The following EDC3 variants were observed in gnomAD, a reference collection of about 807,000 sequenced individuals.
The protein encoded by EDC3 is enhancer of mRNA decapping 3.
A neutral mutation model predicts 41.8 loss-of-function variants in EDC3; 20 were observed. The ratio of observed to expected loss-of-function variants is 0.48; its 90% CI spans 0.34 to 0.70. The LOEUF is 0.70. Among genes scored for constraint, EDC3 ranks in the 30% least tolerant of loss-of-function variants. The pLI, the probability that EDC3 is intolerant of heterozygous loss-of-function variation, is 0.01. For missense variants in EDC3, 444 were observed against 636.8 expected (o/e 0.70, Z 3.26); for synonymous variants, 206 against 243.2 (o/e 0.85, Z 1.42).
In EDC3 at chr15:74,635,227, G is replaced by A. The variant is rs2062256999; in HGVS notation, c.1192+182C>T. On this transcript the variant is annotated intron_variant, in intron 6 of 6. Transcript: ENST00000315127. Reference sequence around the variant, plus strand: ...TCCCCAGCTCTTCATGTGAGTAGTTGGAGAGGGAGAAGCATAAGGGGATGG... The same window carrying A: ...TCCCCAGCTCTTCATGTGAGTAGTTAGAGAGGGAGAAGCATAAGGGGATGG... 5.6e-6 allele frequency: 4 copies of A among 710,022 alleles called. No individual in the cohort carries two copies. In the Admixed American group the frequency reaches 6.0e-5, roughly 11 times the overall value. The allele number at this position is 710,022 out of a possible 1,614,324, so 44.0% of individuals were successfully genotyped here. A position where few individuals can be genotyped will look rare whatever the true frequency, so the allele number is the denominator to read the frequency against.
chr15:74,665,410 A>G (rs2062666759), intron 3 of EDC3, among the ~76,000 whole-genome samples: 1 of 152,198 alleles, frequency 6.6e-6, no homozygotes, highest in Non-Finnish European at 1.5e-5. Context: ...TACAATGACT[A>G]TTCAAGCTCA....
chr15:74,632,739 A>C lies in EDC3; in HGVS notation c.1400T>G (p.Leu467Arg), dbSNP rs772417479. 4.2e-5 allele frequency: 67 copies of C among 1,614,098 alleles called. No individual in the cohort carries two copies. Among genetic ancestry groups the C allele is most frequent in the Non-Finnish European group, 5.5e-5 (65 of 1,180,046 alleles). The change falls in exon 7 of 7, where the codon CTG becomes CGG. Residue 467 changes from leucine (L) to arginine (R), a missense_variant. Leu to Arg is a moderately radical substitution (Grantham distance 102, BLOSUM62 -2). Transcript: ENST00000315127. This position sits in a 1 kb window ranked among gnomAD's most constrained non-coding sequence, Gnocchi z 4.0. ...ATAGATACGGCCTGCGTGCTCCCCC[A>C]GTGGCAGAGGCAGGCCCAGTGCCAG... Reference protein sequence around the residue: ...WSLALGLPLPLGEHAGRIYLC... With the variant: ...WSLALGLPLPRGEHAGRIYLC...
rs746963560 is a variant in EDC3, at chr15:74,632,583, C to T, written c.*29G>A. 4 of 1,601,930 alleles carry T rather than the reference C, an allele frequency of 2.5e-6. No individual in the cohort carries two copies. Among genetic ancestry groups the T allele is most frequent in the Non-Finnish European group, 3.4e-6 (4 of 1,171,824 alleles). On this transcript the variant is annotated 3_prime_UTR_variant, in exon 7 of 7. Transcript: ENST00000315127. This position sits in a 1 kb window ranked among gnomAD's most constrained non-coding sequence, Gnocchi z 4.0. ...GTTTGTTATCAGGAGCAGCAGGGGACAGCAGAGTCCTGCCTGCGCAGGAAC... is the reference window on the plus strand; with the variant it reads ...GTTTGTTATCAGGAGCAGCAGGGGATAGCAGAGTCCTGCCTGCGCAGGAAC...
At chr15:74,652,839 C>T (rs951364525) in intron 4 of EDC3, among the ~76,000 whole-genome samples, 4 of 151,916 alleles carry the variant, frequency 2.6e-5, no homozygotes, top group African/African-American at 7.2e-5. Context: ...CTTGGCCTCC[C>T]GAAGTGCTGG....
At chr15:74,658,171 T>C (rs913090614) in intron 3 of EDC3, among the ~76,000 whole-genome samples, 1 of 152,200 alleles carries the variant, frequency 6.6e-6, no homozygotes, top group Non-Finnish European at 1.5e-5. Context: ...TGAACCTCTA[T>C]CACAGTCTAA....
In EDC3 at chr15:74,688,633, T is replaced by C. The variant is rs1229820105; in HGVS notation, c.-19+7247A>G. On this transcript the variant is annotated intron_variant, in intron 1 of 6. Transcript: ENST00000315127. Reference sequence around the variant, plus strand: ...AAAAGTACATCTGTGAGGCCAGGCATGGTGGCTCATGCCTGTAATCCCAGC... The same window carrying C: ...AAAAGTACATCTGTGAGGCCAGGCACGGTGGCTCATGCCTGTAATCCCAGC... Among the ~76,000 whole-genome samples, 3 of 152,250 alleles carry C rather than the reference T, an allele frequency of 2.0e-5. No individual in the cohort carries two copies. The East Asian group carries it at 5.8e-4, about 29-fold the overall frequency.
intron 1 of EDC3, among the ~76,000 whole-genome samples, chr15:74,688,291 C>G (rs930724762): frequency 5.9e-5 from 9 of 152,204 alleles, no homozygotes; most frequent in African/African-American, 2.2e-4. Context: ...AAAAGAAGTA[C>G]AGGAGATACA....
rs567461612 is a variant in EDC3 at position 74,640,713 on chromosome 15, T to G, written c.821-94A>C. 6.0e-6 allele frequency: 9 copies of G among 1,502,302 alleles called. No homozygotes were observed. In the East Asian group the frequency reaches 6.8e-5, roughly 11 times the overall value. The allele number at this position is 1,502,302 out of a possible 1,614,324, so 93.1% of individuals were successfully genotyped here. A position where few individuals can be genotyped will look rare whatever the true frequency, so the allele number is the denominator to read the frequency against. On this transcript the variant is annotated intron_variant, in intron 4 of 6. Transcript: ENST00000315127. ...ATCCAAGATTCTGCAAATGCCAACATTTTACCATGGATCACCCCTGGCCCA... is the reference window on the plus strand; with the variant it reads ...ATCCAAGATTCTGCAAATGCCAACAGTTTACCATGGATCACCCCTGGCCCA...
At chr15:74,643,951 G>A (rs1179637603) in intron 4 of EDC3, 1 of 152,004 alleles carries the variant, frequency 6.6e-6, no homozygotes, top group African/African-American at 2.4e-5. Context: ...ACAAAACTGA[G>A]TGCTGATGTC....
intron 5 of EDC3, chr15:74,640,101 G>T: frequency 4.5e-6 from 1 of 222,580 alleles, no homozygotes; most frequent in South Asian, 7.1e-5. Context: ...GAAGCTCTCA[G>T]GTATGGAGAC....
intron 4 of EDC3, among the ~76,000 whole-genome samples, chr15:74,653,271 CCTAACA>C (rs2062503960): frequency 6.6e-6 from 1 of 151,824 alleles, no homozygotes; most frequent in Non-Finnish European, 1.5e-5. Flanking sequence ...GATCAACTAA[CCTAACA>C]CTAACATTTT....
intron 6 of EDC3, chr15:74,634,979 A>G: frequency 2.3e-6 from 1 of 431,316 alleles, no homozygotes; most frequent in Non-Finnish European, 4.7e-6. Context: ...TGAAATGTCC[A>G]AGTCTCCTAC....
At chr15:74,640,102 G>A (rs2062330058) in intron 5 of EDC3, 2 of 224,740 alleles carry the variant, frequency 8.9e-6, no homozygotes, top group South Asian at 1.4e-4. Flanking sequence ...AAGCTCTCAG[G>A]TATGGAGACT....
chr15:74,640,463 T>C lies in EDC3; in HGVS notation c.974+3A>G. On this transcript the variant is annotated splice_donor_region_variant and intron_variant, in intron 5 of 6. Coordinates refer to ENST00000315127, the MANE Select transcript of EDC3 (RefSeq NM_025083.5). ...GAGTCCCTGCCAGTTTATAGACATTTACCTGTTAGGTCCTCCGAGGAGGGT... is the reference window on the plus strand; with the variant it reads ...GAGTCCCTGCCAGTTTATAGACATTCACCTGTTAGGTCCTCCGAGGAGGGT... 2 of 1,613,738 alleles carry C rather than the reference T, an allele frequency of 1.2e-6. No homozygotes were observed. Among genetic ancestry groups the C allele is most frequent in the South Asian group, 2.2e-5 (2 of 91,070 alleles).
At chr15:74,635,802 T>G (rs1364254040) in intron 5 of EDC3, 176 bp from the exon 6 acceptor site, 2 of 622,006 alleles carry the variant, frequency 3.2e-6, no homozygotes, top group Non-Finnish European at 5.6e-6. Context: ...AGGGTGGCAC[T>G]CCTGTTGTCC....
chr15:74,673,614 A>G (rs1367900765), intron 2 of EDC3, among the ~76,000 whole-genome samples: 1 of 152,134 alleles, frequency 6.6e-6, no homozygotes, highest in Non-Finnish European at 1.5e-5. Context: ...AGAAGGGCAG[A>G]TTACAAGGTC....
chr15:74,679,265 G>A (rs1035326957), intron 1 of EDC3, among the ~76,000 whole-genome samples: 4 of 151,988 alleles, frequency 2.6e-5, no homozygotes, highest in East Asian at 1.9e-4. Flanking sequence ...TAACTCTGAC[G>A]TGAAAGCCTC....
intron 4 of EDC3, among the ~76,000 whole-genome samples, chr15:74,654,390 G>C (rs1291118341): frequency 1.3e-5 from 2 of 152,208 alleles, no homozygotes; most frequent in African/African-American, 4.8e-5. Flanking sequence ...TTTACAAAGA[G>C]GGCAGTAAAA....
At chr15:74,652,788 C>T (rs575922267) in intron 4 of EDC3, among the ~76,000 whole-genome samples, 1 of 151,448 alleles carries the variant, frequency 6.6e-6, no homozygotes, top group Non-Finnish European at 1.5e-5. Flanking sequence ...CTTTGTTGCC[C>T]AGGCTGGTCT....
Sources: gnomAD v4.1 joint callset for allele counts (sites outside exome capture counted in the v4.1 genomes callset) on GRCh38, gnomAD v4.1.1 for gene constraint, Gnocchi (gnomAD v3.1) non-coding constraint, MANE v1.5 for transcripts, NCBI Gene and HGNC (gene_info 2026-07-23, HGNC 2026-07-21) for gene names.